SEC14L1: variants seen among roughly 807,000 people sequenced by gnomAD.
SEC14L1 encodes SEC14-like protein 1.
A neutral mutation model predicts 85.3 loss-of-function variants in SEC14L1; 48 were observed. That is an observed-to-expected ratio of 0.56 (90% CI 0.45 to 0.72). The LOEUF is 0.72. SEC14L1 is among the 30% of genes least tolerant of loss of function. SEC14L1 has a pLI of 0.00. For missense variants in SEC14L1, 682 were observed against 921.4 expected (o/e 0.74, Z 3.36); for synonymous variants, 391 against 355.5 (o/e 1.10, Z -1.12).
At chr17:77,092,656 AG>A (rs1300247346) in intron 2 of SEC14L1, among the ~76,000 whole-genome samples, 1 of 152,134 alleles carries the variant, frequency 6.6e-6, no homozygotes, top group Non-Finnish European at 1.5e-5. Flanking sequence ...GCCTGGAGAA[AG>A]ATGGGTTAGA....
intron 3 of SEC14L1, among the ~76,000 whole-genome samples, chr17:77,147,105 C>T (rs1001197778): frequency 5.3e-5 from 8 of 152,222 alleles, no homozygotes; most frequent in African/African-American, 1.9e-4. Flanking sequence ...GAGTGGCCGG[C>T]AGTGCCCGGC....
chr17:77,205,445 A>T, intron 11 of SEC14L1, 99 bp downstream of exon 11: 1 of 1,075,144 alleles, frequency 9.3e-7, no homozygotes, highest in Non-Finnish European at 1.4e-6. Context: ...TTATTTTCCA[A>T]GGTGCTCTAA....
At chr17:77,153,446 T>G (rs1228615820) in intron 3 of SEC14L1, among the ~76,000 whole-genome samples, 1 of 152,204 alleles carries the variant, frequency 6.6e-6, no homozygotes, top group Non-Finnish European at 1.5e-5. Flanking sequence ...TTCCTAGGAT[T>G]GTTCTATATA....
chr17:77,097,307 T>A (rs188699856), intron 3 of SEC14L1, among the ~76,000 whole-genome samples: 3 of 152,324 alleles, frequency 2.0e-5, no homozygotes, highest in African/African-American at 7.2e-5. Context: ...GGCTCACGCC[T>A]GTAATCCCAG....
chr17:77,158,798 CTTTTTTTTTTTTTTTTTTTTTT>C (rs34186028), intron 3 of SEC14L1, among the ~76,000 whole-genome samples: 1 of 39,188 alleles, frequency 2.6e-5, no homozygotes, highest in Non-Finnish European at 4.5e-5. Context: ...GCTTTCTTTC[CTTTTTTTTTTTTTTTTTTTTTT>C]TTTTTTTTTT....
chr17:77,117,334 G>A (rs1472429009), intron 3 of SEC14L1, among the ~76,000 whole-genome samples: 2 of 152,120 alleles, frequency 1.3e-5, no homozygotes, highest in Admixed American at 1.3e-4. Context: ...GTGTCAGAGC[G>A]AGACTCTGTC....
At chr17:77,110,731 A>C (rs1190848080) in intron 3 of SEC14L1, among the ~76,000 whole-genome samples, 3 of 151,720 alleles carry the variant, frequency 2.0e-5, no homozygotes, top group Non-Finnish European at 4.4e-5. Context: ...AAAAATACAA[A>C]AAATTAACTG....
chr17:77,107,919 T>G (rs1971952289), intron 3 of SEC14L1, among the ~76,000 whole-genome samples: 1 of 152,154 alleles, frequency 6.6e-6, no homozygotes, highest in African/African-American at 2.4e-5. Flanking sequence ...ATTTATTTAT[T>G]TAAAAACAGA....
chr17:77,128,947 G>C (rs1317490813), intron 3 of SEC14L1, among the ~76,000 whole-genome samples: 3 of 152,068 alleles, frequency 2.0e-5, no homozygotes, highest in Non-Finnish European at 4.4e-5. Flanking sequence ...GCCTGTCTGT[G>C]CCAAGAGCCG....
At chr17:77,179,095 G>A (rs1344543621) in intron 3 of SEC14L1, among the ~76,000 whole-genome samples, 1 of 152,214 alleles carries the variant, frequency 6.6e-6, no homozygotes, top group Admixed American at 6.5e-5. Flanking sequence ...TTGGAGCAAA[G>A]GAGTGGGTGT....
rs376591053 is a variant in SEC14L1 at position 77,196,342 on chromosome 17, G to A, written c.819+31G>A. 7.0e-4 allele frequency: 906 copies of A among 1,292,538 alleles called. 7 individuals are homozygous for A. The highest frequency in any genetic ancestry group is 1.7e-4 in the Admixed American group (9 of 51,854). 80.1% of individuals were successfully genotyped at this position (1,292,538 alleles called of 1,614,324 possible). A position where few individuals can be genotyped will look rare whatever the true frequency, so the allele number is the denominator to read the frequency against. ...TGTCAGCACCACACCCAGTGTGCAG[G>A]GCCAGAGCTACGTGAAATCATGGAA... On this transcript the variant is annotated intron_variant, in intron 8 of 16. Transcript: ENST00000436233.
chr17:77,124,223 G>T (rs2143414386), intron 3 of SEC14L1, among the ~76,000 whole-genome samples: 1 of 152,316 alleles, frequency 6.6e-6, no homozygotes, highest in African/African-American at 2.4e-5. Flanking sequence ...AAGTAGCCAG[G>T]CGTGGTGGCG....
chr17:77,157,859 GT>G (rs910298908), intron 3 of SEC14L1, among the ~76,000 whole-genome samples: 2 of 151,928 alleles, frequency 1.3e-5, no homozygotes, highest in African/African-American at 4.8e-5. Context: ...CAAACGAATG[GT>G]TTTTTTCAAC....
chr17:77,154,449 T>C (rs1973710496), intron 3 of SEC14L1, among the ~76,000 whole-genome samples: 2 of 152,188 alleles, frequency 1.3e-5, no homozygotes, highest in African/African-American at 4.8e-5. Flanking sequence ...AGCGAGGCCC[T>C]GTATCTAAAA....
intron 3 of SEC14L1, among the ~76,000 whole-genome samples, chr17:77,164,547 T>C (rs1366801308): frequency 6.6e-6 from 1 of 152,192 alleles, no homozygotes; most frequent in Non-Finnish European, 1.5e-5. Flanking sequence ...TTCCAGGTTG[T>C]CCAGCTGGGA....
intron 3 of SEC14L1, among the ~76,000 whole-genome samples, chr17:77,150,906 T>C (rs1296828071): frequency 1.3e-5 from 2 of 152,200 alleles, no homozygotes; most frequent in Admixed American, 1.3e-4. Flanking sequence ...TTCAGCATTG[T>C]TTTAGTTACA....
intron 6 of SEC14L1, among the ~76,000 whole-genome samples, chr17:77,194,384 G>C (rs909150440): frequency 2.0e-5 from 3 of 151,978 alleles, no homozygotes; most frequent in African/African-American, 7.3e-5. Context: ...GCGAAACCCC[G>C]TATTTACAAA....
intron 3 of SEC14L1, among the ~76,000 whole-genome samples, chr17:77,104,774 G>A (rs1467357660): frequency 7.1e-6 from 1 of 140,522 alleles, no homozygotes; most frequent in Non-Finnish European, 1.5e-5. Flanking sequence ...CTGGGCAACA[G>A]AGTGAGACTC....
intron 3 of SEC14L1, among the ~76,000 whole-genome samples, chr17:77,185,749 G>A (rs1272236817): frequency 6.6e-6 from 1 of 152,114 alleles, no homozygotes; most frequent in Non-Finnish European, 1.5e-5. Context: ...ATGGTTTTCA[G>A]TGTCCGTATA....
Sources: gnomAD v4.1 joint callset for allele counts (sites outside exome capture counted in the v4.1 genomes callset) on GRCh38, gnomAD v4.1.1 for gene constraint, MANE v1.5 for transcripts, NCBI Gene and HGNC (gene_info 2026-07-23, HGNC 2026-07-21) for gene names.